AKAP19: variants seen among roughly 807,000 people sequenced by gnomAD.
AKAP19 encodes A-kinase anchoring protein 19.
the AKAP19 span, among the ~76,000 whole-genome samples, chr2:189,990,467 T>C: frequency 6.6e-6 from 1 of 152,280 alleles, no homozygotes; most frequent in East Asian, 1.9e-4. Flanking sequence ...CTTATATTCC[T>C]GAGATAGATC....
the AKAP19 span, among the ~76,000 whole-genome samples, chr2:189,911,944 T>A: frequency 6.6e-6 from 1 of 152,020 alleles, no homozygotes; most frequent in Non-Finnish European, 1.5e-5. Context: ...ACTGGTTGAT[T>A]TACCCTTCCT....
the AKAP19 span, among the ~76,000 whole-genome samples, chr2:190,161,838 T>C: frequency 6.6e-6 from 1 of 152,334 alleles, no homozygotes; most frequent in African/African-American, 2.4e-5. Context: ...ATTCAGATGA[T>C]ATGAGTTTAT....
the AKAP19 span, among the ~76,000 whole-genome samples, chr2:189,906,572 CAAAA>C: frequency 7.2e-5 from 11 of 152,034 alleles, no homozygotes; most frequent in African/African-American, 2.2e-4. Context: ...AATTTACACT[CAAAA>C]AGAACAAGAC....
At chr2:189,961,738 C>A in the AKAP19 span, among the ~76,000 whole-genome samples, 2 of 151,616 alleles carry the variant, frequency 1.3e-5, no homozygotes, top group African/African-American at 2.4e-5. Context: ...TAGTAGAAAC[C>A]CTGTCTCTAC....
chr2:190,099,857 A>G, the AKAP19 span, among the ~76,000 whole-genome samples: 1 of 152,248 alleles, frequency 6.6e-6, no homozygotes, highest in Non-Finnish European at 1.5e-5. Flanking sequence ...TGCTCTAAAC[A>G]TAGAATAACA....
At chr2:190,110,905 G>T in the AKAP19 span, among the ~76,000 whole-genome samples, 4 of 152,318 alleles carry the variant, frequency 2.6e-5, no homozygotes, top group African/African-American at 9.6e-5. Context: ...GTAGGGCGCT[G>T]TCATTGTAGG....
the AKAP19 span, among the ~76,000 whole-genome samples, chr2:189,968,755 A>G: frequency 9.9e-5 from 15 of 152,174 alleles, no homozygotes; most frequent in Admixed American, 7.9e-4. Flanking sequence ...GAGCATTACT[A>G]GGATTGGAAG....
the AKAP19 span, among the ~76,000 whole-genome samples, chr2:190,096,529 T>G: frequency 6.6e-6 from 1 of 152,188 alleles, no homozygotes; most frequent in South Asian, 2.1e-4. Context: ...GGGAGTTTGC[T>G]GCCTGTCTGT....
chr2:190,068,317 A>T, the AKAP19 span, among the ~76,000 whole-genome samples: 9 of 152,166 alleles, frequency 5.9e-5, no homozygotes, highest in African/African-American at 1.9e-4. Flanking sequence ...ACATAGTTAG[A>T]CGGGGAGAAC....
At chr2:190,190,973 G>A in the AKAP19 span, among the ~76,000 whole-genome samples, 1 of 152,018 alleles carries the variant, frequency 6.6e-6, no homozygotes, top group Non-Finnish European at 1.5e-5. Context: ...TCTATCATCT[G>A]TCCCTATAGT....
chr2:190,052,089 T>C, the AKAP19 span, among the ~76,000 whole-genome samples: 1 of 152,114 alleles, frequency 6.6e-6, no homozygotes, highest in Non-Finnish European at 1.5e-5. Flanking sequence ...TCCGCCCGCC[T>C]CAGCCTCCCA....
At chr2:189,978,933 A>G in the AKAP19 span, among the ~76,000 whole-genome samples, 2 of 152,266 alleles carry the variant, frequency 1.3e-5, no homozygotes, top group East Asian at 1.9e-4. Context: ...AAGAAATCAT[A>G]GATGACACAA....
At chr2:190,014,457 C>A in the AKAP19 span, among the ~76,000 whole-genome samples, 1 of 152,156 alleles carries the variant, frequency 6.6e-6, no homozygotes, top group South Asian at 2.1e-4. Flanking sequence ...GACATTGCCA[C>A]CATGATTCAG....
At chr2:190,108,790 T>G in the AKAP19 span, among the ~76,000 whole-genome samples, 4 of 151,212 alleles carry the variant, frequency 2.6e-5, no homozygotes, top group South Asian at 4.2e-4. Context: ...GCGGTTTTTT[T>G]TTTTTTTTTT....
At chr2:189,917,320 A>C in the AKAP19 span, 1 of 1,415,656 alleles carries the variant, frequency 7.1e-7, no homozygotes, top group South Asian at 1.2e-5. Context: ...TTAACATGAC[A>C]CTTGTCCGGT....
the AKAP19 span, among the ~76,000 whole-genome samples, chr2:189,982,872 C>G: frequency 1.3e-5 from 2 of 152,114 alleles, no homozygotes; most frequent in Non-Finnish European, 1.5e-5. Flanking sequence ...AGCCAACGTA[C>G]TGTTGCCTAA....
the AKAP19 span, among the ~76,000 whole-genome samples, chr2:189,978,418 C>A: frequency 6.6e-6 from 1 of 152,138 alleles, no homozygotes; most frequent in Non-Finnish European, 1.5e-5. Context: ...GTCAGGAGTT[C>A]AAGACCAGCC....
chr2:189,994,577 GATTATTATTATTATTGTT>G, the AKAP19 span, among the ~76,000 whole-genome samples: 1 of 151,568 alleles, frequency 6.6e-6, no homozygotes, highest in Admixed American at 6.6e-5. Context: ...TTCTGGAGCA[GATTATTATTATTATTGTT>G]ATTATTATTA....
chr2:189,986,498 G>C, the AKAP19 span, among the ~76,000 whole-genome samples: 1 of 151,948 alleles, frequency 6.6e-6, no homozygotes, highest in Non-Finnish European at 1.5e-5. Context: ...GGATATCCTG[G>C]AACTGGAGTG....
Sources: gnomAD v4.1 joint callset for allele counts (sites outside exome capture counted in the v4.1 genomes callset) on GRCh38, gnomAD v4.1.1 for gene constraint, MANE v1.5 for transcripts, NCBI Gene and HGNC (gene_info 2026-07-23, HGNC 2026-07-21) for gene names.